SDK1: variants seen among roughly 807,000 people sequenced by gnomAD.
The protein encoded by SDK1 is sidekick cell adhesion molecule 1, also known as protein sidekick-1.
A neutral mutation model predicts 245.5 loss-of-function variants in SDK1; 157 were observed. The observed-to-expected ratio is 0.64, with a 90% CI of 0.56 to 0.73. SDK1 has a LOEUF of 0.73. SDK1 is among the 30% of genes least tolerant of loss of function. The pLI, the probability that SDK1 is intolerant of heterozygous loss-of-function variation, is 0.00. For missense variants in SDK1, 3,583 were observed against 3,002.3 expected (o/e 1.19, Z -4.52); for synonymous variants, 1,647 against 1,278.5 (o/e 1.29, Z -6.15).
chr7:3,437,427 G>T (rs1273738642), intron 1 of SDK1, among the ~76,000 whole-genome samples: 1 of 152,042 alleles, frequency 6.6e-6, no homozygotes, highest in Non-Finnish European at 1.5e-5. Flanking sequence ...AAAAAAAGAT[G>T]TGAAAATTTA....
chr7:3,451,508 C>A (rs952506390), intron 1 of SDK1, among the ~76,000 whole-genome samples: 1 of 152,120 alleles, frequency 6.6e-6, no homozygotes, highest in East Asian at 1.9e-4. Context: ...CAGATGATCA[C>A]ACTGCATCAA....
rs369383371 is a variant in SDK1, at chr7:4,077,696, G to A, written c.3202+507G>A. Among the ~76,000 whole-genome samples the A allele has an allele frequency of 1.5e-4, 23 of 152,258 alleles. No individual in the cohort carries two copies. In the East Asian group the frequency reaches 1.5e-3, roughly 10 times the overall value. On this transcript the variant is annotated intron_variant, in intron 21 of 44. Coordinates refer to ENST00000404826, the MANE Select transcript of SDK1 (RefSeq NM_152744.4). Reference sequence around the variant, plus strand: ...ATGGCAGCAGGCAAAGAGAGAGCCCGTGCAAGGAAACTCCCGTTTTTAAAA... The same window carrying A: ...ATGGCAGCAGGCAAAGAGAGAGCCCATGCAAGGAAACTCCCGTTTTTAAAA...
chr7:3,396,820 T>G (rs868406745), intron 1 of SDK1, among the ~76,000 whole-genome samples: 31 of 151,722 alleles, frequency 2.0e-4, no homozygotes, highest in South Asian at 1.2e-3. Flanking sequence ...CTGCACCTTT[T>G]GATTAGATGG....
intron 27 of SDK1, among the ~76,000 whole-genome samples, chr7:4,131,981 C>A (rs1007661984): frequency 3.3e-5 from 5 of 152,156 alleles, no homozygotes; most frequent in African/African-American, 1.2e-4. Flanking sequence ...TTCCTCTCAA[C>A]CTGATGTTTG....
intron 44 of SDK1, among the ~76,000 whole-genome samples, chr7:4,263,229 TTTG>T (rs1227194855): frequency 1.6e-5 from 2 of 123,752 alleles, no homozygotes. Context: ...CCAGAATCCT[TTTG>T]TTTTGGTCTG....
chr7:3,666,864 C>G (rs777428730), intron 4 of SDK1, among the ~76,000 whole-genome samples: 19 of 152,164 alleles, frequency 1.2e-4, no homozygotes, highest in Non-Finnish European at 1.9e-4. Context: ...AAATGCCTGA[C>G]GTTTCCCCTT....
intron 1 of SDK1, among the ~76,000 whole-genome samples, chr7:3,488,160 C>T (rs1374908668): frequency 6.6e-6 from 1 of 152,138 alleles, no homozygotes; most frequent in African/African-American, 2.4e-5. Flanking sequence ...TTTCCGATGC[C>T]TTTAATTGAA....
rs552482221 is a variant in SDK1, at chr7:3,594,990, C to T, written c.299-24090C>T. Among the ~76,000 whole-genome samples, 12 of 152,158 alleles carry T rather than the reference C, an allele frequency of 7.9e-5. No individual in the cohort carries two copies. The East Asian group carries it at 1.9e-3, about 25-fold the overall frequency. On this transcript the variant is annotated intron_variant, in intron 1 of 44. Coordinates refer to ENST00000404826, the MANE Select transcript of SDK1 (RefSeq NM_152744.4). ...GCACTCATTTTGTTTGGTTTAATCT[C>T]TAGTTGCTTTTATGTTTTAATTTAA...
intron 4 of SDK1, among the ~76,000 whole-genome samples, chr7:3,814,462 G>A (rs13226477): frequency 0.14 from 21,659 of 150,194 alleles, 2,766 homozygotes; most frequent in African/African-American, 0.34. Context: ...GTTCTGTTCC[G>A]TTGATCTGTA....
intron 1 of SDK1, among the ~76,000 whole-genome samples, chr7:3,451,594 T>G (rs572834845): frequency 6.6e-6 from 1 of 151,938 alleles, no homozygotes; most frequent in Non-Finnish European, 1.5e-5. Flanking sequence ...CCATTATCTT[T>G]CACTATGTGA....
At chr7:3,607,889 A>G (rs1159868511) in intron 1 of SDK1, among the ~76,000 whole-genome samples, 1 of 152,246 alleles carries the variant, frequency 6.6e-6, no homozygotes, top group African/African-American at 2.4e-5. Context: ...AGACAAGTCT[A>G]GAGCAGCAGT....
intron 35 of SDK1, among the ~76,000 whole-genome samples, chr7:4,204,726 C>G (rs1350477515): frequency 2.6e-5 from 4 of 152,230 alleles, no homozygotes; most frequent in African/African-American, 9.6e-5. Flanking sequence ...GAGTGCTCGG[C>G]TGGCCTCTGC....
intron 1 of SDK1, among the ~76,000 whole-genome samples, chr7:3,307,246 AAAAG>A (rs1477565854): frequency 1.3e-5 from 2 of 152,042 alleles, no homozygotes; most frequent in African/African-American, 2.4e-5. Flanking sequence ...TTTTTTTAAA[AAAAG>A]GGCATAAACG....
At chr7:3,587,637 C>T (rs1464083939) in intron 1 of SDK1, among the ~76,000 whole-genome samples, 4 of 152,194 alleles carry the variant, frequency 2.6e-5, no homozygotes, top group African/African-American at 4.8e-5. Context: ...CGGGGATGGC[C>T]GTCTGTTTTA....
intron 4 of SDK1, among the ~76,000 whole-genome samples, chr7:3,725,383 G>A (rs1380933125): frequency 2.0e-5 from 3 of 152,146 alleles, no homozygotes; most frequent in Non-Finnish European, 4.4e-5. Flanking sequence ...CTTGGCAGAG[G>A]ACCTGTTAAG....
chr7:4,089,522 G>A (rs979967481), intron 22 of SDK1, among the ~76,000 whole-genome samples: 14 of 152,174 alleles, frequency 9.2e-5, no homozygotes, highest in Admixed American at 6.5e-5. Flanking sequence ...AAGAATGAAC[G>A]GGGCAAGCTT....
intron 32 of SDK1, among the ~76,000 whole-genome samples, chr7:4,167,462 C>T (rs533669182): frequency 6.6e-6 from 1 of 152,312 alleles, no homozygotes; most frequent in Admixed American, 6.5e-5. Flanking sequence ...GAAGAACCTC[C>T]AGGAGGCTGC....
intron 1 of SDK1, among the ~76,000 whole-genome samples, chr7:3,502,103 A>G (rs1381180397): frequency 6.6e-6 from 1 of 152,130 alleles, no homozygotes; most frequent in African/African-American, 2.4e-5. Context: ...TTAGTCAGTC[A>G]CTATATTAGA....
chr7:3,671,594 G>T (rs1783702153), intron 4 of SDK1, among the ~76,000 whole-genome samples: 2 of 152,124 alleles, frequency 1.3e-5, no homozygotes, highest in African/African-American at 2.4e-5. Context: ...ACAAGTTTAA[G>T]ACTGAGTCAA....
Sources: gnomAD v4.1 joint callset for allele counts (sites outside exome capture counted in the v4.1 genomes callset) on GRCh38, gnomAD v4.1.1 for gene constraint, MANE v1.5 for transcripts, NCBI Gene and HGNC (gene_info 2026-07-23, HGNC 2026-07-21) for gene names.